PFKP: variants seen among roughly 807,000 people sequenced by gnomAD.
PFKP encodes the protein phosphofructokinase, platelet.
Under a neutral mutation model 94.3 loss-of-function variants are expected in PFKP, and 101 were observed. The ratio of observed to expected loss-of-function variants is 1.07; its 90% CI spans 0.91 to 1.26. The LOEUF (loss-of-function observed/expected upper bound fraction) is 1.26, where lower values mean the gene tolerates loss of function less well. Among genes scored for constraint, PFKP ranks in the 50% most tolerant of loss-of-function variants. The pLI, the probability that PFKP is intolerant of heterozygous loss-of-function variation, is 0.00. For missense variants in PFKP, 1,145 were observed against 1,103.3 expected (o/e 1.04, Z -0.53); for synonymous variants, 573 against 432.6 (o/e 1.32, Z -4.03).
intron 2 of PFKP, among the ~76,000 whole-genome samples, chr10:3,091,150 C>A (rs183896287): frequency 5.0e-4 from 76 of 152,222 alleles, no homozygotes; most frequent in African/African-American, 1.6e-3. Flanking sequence ...CAGGGAGACT[C>A]GGGGAGGGTT....
At chr10:3,099,503 A>AT in intron 3 of PFKP, 151 bp downstream of exon 3, 1 of 665,382 alleles carries the variant, frequency 1.5e-6, no homozygotes, top group Non-Finnish European at 2.7e-6. Context: ...TTGTGGTTTG[A>AT]TTTTTAGAAA....
chr10:3,073,033 C>T (rs1344243255), intron 1 of PFKP, among the ~76,000 whole-genome samples: 13 of 152,028 alleles, frequency 8.6e-5, no homozygotes, highest in South Asian at 8.5e-4. Context: ...CCCCACTCCT[C>T]GGTTCTCTCC....
intron 21 of PFKP, 31 bp from the exon 22 acceptor site, chr10:3,136,419 G>A (rs749762383): frequency 5.6e-5 from 90 of 1,610,986 alleles, no homozygotes; most frequent in Non-Finnish European, 7.4e-5. Flanking sequence ...GTGACTGCAG[G>A]CCTCACTGCT....
intron 2 of PFKP, among the ~76,000 whole-genome samples, chr10:3,098,962 CCCCTTTCAACCTCTAGCGAAACACGA>C (rs1469921908): frequency 6.6e-6 from 1 of 152,168 alleles, no homozygotes; most frequent in East Asian, 1.9e-4. Context: ...GTGAAAGTGA[CCCCTTTCAACCTCTAGCGAAACACGA>C]CCCTTTCAAC....
At chr10:3,125,156 C>T (rs753634342) in intron 16 of PFKP, 5 of 1,348,456 alleles carry the variant, frequency 3.7e-6, no homozygotes, top group Non-Finnish European at 4.9e-6. Flanking sequence ...AGCTTTGCAT[C>T]CCCCTGTGTG....
intron 14 of PFKP, among the ~76,000 whole-genome samples, chr10:3,117,615 G>A (rs765459016): frequency 1.5e-4 from 23 of 152,226 alleles, no homozygotes; most frequent in East Asian, 7.7e-4. Flanking sequence ...TGGGAGCCTC[G>A]GAGCTGGGTT....
At chr10:3,089,471 G>A (rs1330750013) in intron 2 of PFKP, among the ~76,000 whole-genome samples, 1 of 152,024 alleles carries the variant, frequency 6.6e-6, no homozygotes, top group Non-Finnish European at 1.5e-5. Context: ...CCAGCAGTGG[G>A]GCTGCTGGCT....
chr10:3,113,080 T>C (rs780142038), intron 11 of PFKP, 39 bp from the exon 12 acceptor site: 2 of 1,582,652 alleles, frequency 1.3e-6, no homozygotes, highest in African/African-American at 1.3e-5. Flanking sequence ...TTGTGTCCGG[T>C]ATTCTCGACT....
intron 16 of PFKP, chr10:3,129,507 G>A (rs924563088): frequency 2.7e-6 from 1 of 367,384 alleles, no homozygotes. Context: ...GAGTGAGCTG[G>A]CTTGTGGGGT....
At chr10:3,073,284 C>T (rs2131377239) in intron 1 of PFKP, among the ~76,000 whole-genome samples, 1 of 152,078 alleles carries the variant, frequency 6.6e-6, no homozygotes, top group African/African-American at 2.4e-5. Context: ...CTCTCCCTGT[C>T]TCTGTCTTCC....
intron 2 of PFKP, among the ~76,000 whole-genome samples, chr10:3,091,339 CTGG>C (rs1293493881): frequency 1.3e-5 from 2 of 152,096 alleles, no homozygotes; most frequent in African/African-American, 4.8e-5. Flanking sequence ...TACCCTGGCT[CTGG>C]TGGGTCCAAA....
intron 10 of PFKP, among the ~76,000 whole-genome samples, chr10:3,111,898 C>G (rs1836271594): frequency 6.6e-6 from 1 of 152,194 alleles, no homozygotes; most frequent in Non-Finnish European, 1.5e-5. Context: ...TTCATTTCCT[C>G]TGGCTTTGTT....
At chr10:3,099,249 TAA>T in intron 2 of PFKP, 24 bp from the exon 3 acceptor site, 1 of 1,578,408 alleles carries the variant, frequency 6.3e-7, no homozygotes, top group Non-Finnish European at 8.7e-7. Context: ...ATCTCATTTT[TAA>T]AAGATTCTCC....
rs567216011 is a variant in PFKP at position 3,098,009 on chromosome 10, A to AAAAAT, written c.187-1252_187-1248dup. ...GGGCAACAGAGCAAGACTCTGTCTC[A>AAAAAT]AAAATAAAATAAAATAAACACACAT... is the stretch of plus-strand genomic sequence containing the variant. On this transcript the variant is annotated intron_variant, in intron 2 of 21. Transcript: ENST00000381125. Among the ~76,000 whole-genome samples the AAAAAT allele has an allele frequency of 2.6e-5, 4 of 151,768 alleles. No homozygotes were observed. The South Asian group carries it at 8.3e-4, about 31-fold the overall frequency.
intron 2 of PFKP, among the ~76,000 whole-genome samples, chr10:3,091,079 G>A (rs968823931): frequency 6.6e-6 from 1 of 152,144 alleles, no homozygotes; most frequent in Non-Finnish European, 1.5e-5. Context: ...GCCGCTGCTT[G>A]AGCTCCTATA....
chr10:3,077,038 A>G (rs1832650321), intron 1 of PFKP, among the ~76,000 whole-genome samples: 1 of 152,068 alleles, frequency 6.6e-6, no homozygotes, highest in Non-Finnish European at 1.5e-5. Flanking sequence ...TTTTCTAACA[A>G]AGCAGCGGGA....
At chr10:3,112,483 A>T (rs1436747746) in intron 11 of PFKP, among the ~76,000 whole-genome samples, 197 bp downstream of exon 11, 1 of 152,218 alleles carries the variant, frequency 6.6e-6, no homozygotes, top group Non-Finnish European at 1.5e-5. Context: ...TAAATTTGCC[A>T]TTGGTCCTTT....
intron 10 of PFKP, among the ~76,000 whole-genome samples, chr10:3,109,977 C>G (rs942322380): frequency 7.2e-5 from 11 of 152,124 alleles, no homozygotes; most frequent in African/African-American, 2.7e-4. Context: ...CCTTCCCAAA[C>G]TTCTCCAGTT....
intron 7 of PFKP, 122 bp downstream of exon 7, chr10:3,105,623 C>CTT (rs1163821127): frequency 1.4e-6 from 1 of 699,366 alleles, no homozygotes; most frequent in African/African-American, 1.8e-5. Flanking sequence ...GTTTGTCACA[C>CTT]TTTGTATTTC....
Sources: allele counts gnomAD v4.1 joint callset (sites outside exome capture counted in the v4.1 genomes callset), GRCh38; gene constraint gnomAD v4.1.1; transcripts MANE v1.5; gene names NCBI Gene and HGNC (gene_info 2026-07-23, HGNC 2026-07-21).